PDLIM5: variants seen among roughly 807,000 people sequenced by gnomAD.
PDLIM5 encodes PDZ and LIM domain protein 5.
PDLIM5 carries 34 observed loss-of-function variants against 64.2 expected under a neutral mutation model. That is an observed-to-expected ratio of 0.53 (90% confidence interval 0.40 to 0.71). The LOEUF is 0.71. PDLIM5 is among the 30% of genes least tolerant of loss of function. The pLI is 0.00. For synonymous variants in PDLIM5, 253 were observed against 269.1 expected, an observed-to-expected ratio of 0.94 and a Z score of 0.59; for missense variants, 683 against 733.6, an observed-to-expected ratio of 0.93 and a Z score of 0.80.
chr4:94,513,278 G>A (rs558870976), intron 2 of PDLIM5, among the ~76,000 whole-genome samples: 15 of 152,274 alleles, frequency 9.9e-5, no homozygotes, highest in Admixed American at 2.6e-4. Context: ...AATGTCATTG[G>A]TATTTTGATA....
At chr4:94,494,437 T>G (rs1376749692) in intron 2 of PDLIM5, among the ~76,000 whole-genome samples, 47 of 45,426 alleles carry the variant, frequency 1.0e-3, no homozygotes, top group African/African-American at 5.1e-3. Context: ...TTCTTGTTTT[T>G]TTTTTTTTTT....
intron 2 of PDLIM5, among the ~76,000 whole-genome samples, chr4:94,495,456 C>A (rs949489051): frequency 6.6e-6 from 1 of 151,882 alleles, no homozygotes. Context: ...CAGATGTTGA[C>A]CTTAACAACA....
At chr4:94,473,217 G>A (rs1022722518) in intron 2 of PDLIM5, among the ~76,000 whole-genome samples, 1 of 152,144 alleles carries the variant, frequency 6.6e-6, no homozygotes, top group African/African-American at 2.4e-5. Context: ...CCGATGGCTG[G>A]AGTAGGCAGA....
At chr4:94,588,998 G>A (rs529612034) in intron 7 of PDLIM5, among the ~76,000 whole-genome samples, 1 of 152,276 alleles carries the variant, frequency 6.6e-6, no homozygotes, top group South Asian at 2.1e-4. Flanking sequence ...CAGAGGTCCT[G>A]CCTGCTTGTG....
chr4:94,484,735 G>A (rs1726161740), intron 2 of PDLIM5, among the ~76,000 whole-genome samples: 2 of 152,128 alleles, frequency 1.3e-5, no homozygotes, highest in Non-Finnish European at 2.9e-5. Context: ...CGGATGTTCT[G>A]GACCTAGTGC....
intron 7 of PDLIM5, among the ~76,000 whole-genome samples, chr4:94,615,786 T>A (rs1560742269): frequency 6.6e-6 from 1 of 152,208 alleles, no homozygotes; most frequent in Non-Finnish European, 1.5e-5. Flanking sequence ...AGGATTTTTT[T>A]ATATTAGGAA....
chr4:94,497,391 AAAT>A (rs1424684464), intron 2 of PDLIM5, among the ~76,000 whole-genome samples: 5 of 152,222 alleles, frequency 3.3e-5, no homozygotes, highest in African/African-American at 1.2e-4. Context: ...AAAGAGGTGA[AAAT>A]AATAATTCAG....
intron 7 of PDLIM5, among the ~76,000 whole-genome samples, chr4:94,610,610 A>G (rs1465971717): frequency 6.6e-6 from 1 of 152,134 alleles, no homozygotes; most frequent in African/African-American, 2.4e-5. Flanking sequence ...CAGGTTTTAT[A>G]TTTGAAACAA....
chr4:94,527,043 A>ATT (rs1276607125), intron 3 of PDLIM5, among the ~76,000 whole-genome samples: 3 of 94,304 alleles, frequency 3.2e-5, no homozygotes, highest in Non-Finnish European at 2.2e-5. Flanking sequence ...CCTGAACAGC[A>ATT]TTCTTTTTTT....
At chr4:94,614,469 G>T (rs1560741353) in intron 7 of PDLIM5, among the ~76,000 whole-genome samples, 1 of 152,006 alleles carries the variant, frequency 6.6e-6, no homozygotes, top group African/African-American at 2.4e-5. Flanking sequence ...TAAAATTAGG[G>T]AAAAAATGTT....
intron 3 of PDLIM5, among the ~76,000 whole-genome samples, chr4:94,541,216 G>A (rs577012097): frequency 2.6e-4 from 40 of 152,150 alleles, no homozygotes; most frequent in South Asian, 2.3e-3. Context: ...ATTTTCCAAT[G>A]TCTTGGCCTT....
intron 3 of PDLIM5, among the ~76,000 whole-genome samples, chr4:94,558,816 G>A (rs1733594503): frequency 6.6e-6 from 1 of 151,716 alleles, no homozygotes; most frequent in South Asian, 2.1e-4. Flanking sequence ...TCTTTTGTGT[G>A]TGTGTTGCAG....
rs542958442 is a variant in PDLIM5 at position 94,639,927 on chromosome 4, C to T, written c.1109-349C>T. Among the ~76,000 whole-genome samples the T allele has an allele frequency of 6.6e-5, 10 of 151,578 alleles. No individual in the cohort carries two copies. The East Asian group carries it at 1.6e-3, about 24-fold the overall frequency. On this transcript the variant is annotated intron_variant, in intron 8 of 12. Coordinates refer to ENST00000317968, the MANE Select transcript of PDLIM5 (RefSeq NM_006457.5). ...CTGTAATCCCAGCTACTTGGGAGGT[C>T]GAGGCACGAGAATCGCTTAAACCCA...
At chr4:94,628,104 C>A (rs1223303743) in intron 8 of PDLIM5, among the ~76,000 whole-genome samples, 1 of 152,110 alleles carries the variant, frequency 6.6e-6, no homozygotes, top group East Asian at 1.9e-4. Context: ...TAAGTAAACA[C>A]TTTTACTACT....
intron 3 of PDLIM5, among the ~76,000 whole-genome samples, chr4:94,536,483 A>G (rs560748142): frequency 3.0e-4 from 46 of 152,352 alleles, no homozygotes; most frequent in Admixed American, 7.2e-4. Context: ...TCACAAATTA[A>G]GTGGTAACAG....
intron 2 of PDLIM5, among the ~76,000 whole-genome samples, chr4:94,504,339 G>T (rs1210549789): frequency 6.6e-6 from 1 of 151,730 alleles, no homozygotes; most frequent in Non-Finnish European, 1.5e-5. Context: ...CCAGGTTGGA[G>T]TGCGGTGGCA....
At chr4:94,635,940 A>G (rs1224973325) in intron 8 of PDLIM5, among the ~76,000 whole-genome samples, 1 of 152,266 alleles carries the variant, frequency 6.6e-6, no homozygotes, top group Non-Finnish European at 1.5e-5. Context: ...GCAACACAGC[A>G]ACAAATGGAG....
chr4:94,652,674 G>T (rs992467485), intron 9 of PDLIM5, among the ~76,000 whole-genome samples: 2 of 152,206 alleles, frequency 1.3e-5, no homozygotes, highest in East Asian at 3.9e-4. Context: ...GCAGGAATTA[G>T]TAAACAAAGG....
chr4:94,615,271 A>G (rs1398852007), intron 7 of PDLIM5, among the ~76,000 whole-genome samples: 2 of 152,212 alleles, frequency 1.3e-5, no homozygotes, highest in African/African-American at 4.8e-5. Flanking sequence ...GTGACTATTA[A>G]TAGTAATTTT....
Sources: allele counts gnomAD v4.1 joint callset (sites outside exome capture counted in the v4.1 genomes callset), GRCh38; gene constraint gnomAD v4.1.1; transcripts MANE v1.5; gene names NCBI Gene and HGNC (gene_info 2026-07-23, HGNC 2026-07-21).